Variants in HECTD3 observed in about 807,000 individuals in gnomAD.
HECTD3 encodes HECT domain E3 ubiquitin protein ligase 3.
In HECTD3, 72 loss-of-function variants were observed where a neutral mutation model predicts 109.3. The ratio of observed to expected loss-of-function variants is 0.66; its 90% confidence interval spans 0.54 to 0.80. HECTD3 has a LOEUF of 0.80. Among genes scored for constraint, HECTD3 ranks in the 30% least tolerant of loss-of-function variants. The pLI is 0.00. For missense variants in HECTD3, 1,041 were observed against 1,165.2 expected, an observed-to-expected ratio of 0.89 and a Z score of 1.55; for synonymous variants, 481 against 471.8, an observed-to-expected ratio of 1.02 and a Z score of -0.25.
At chr1:45,005,956 G>C (rs774222736) in intron 14 of HECTD3, 41 bp downstream of exon 14, 23 of 1,610,840 alleles carry the variant, frequency 1.4e-5, no homozygotes, top group Non-Finnish European at 1.8e-5. Context: ...CCTTCCAAGG[G>C]CCAGGGCTGA....
At position 45,010,622 on chromosome 1, in the gene HECTD3, G is replaced by A. The variant is rs1292011165; in HGVS notation, c.454C>T (p.Leu152=). The A allele has an allele frequency of 3.7e-6, 6 of 1,611,470 alleles. No homozygotes were observed. In the South Asian group the frequency reaches 5.5e-5, roughly 15 times the overall value. Residue 152 remains leucine (L), a synonymous_variant, in exon 2 of 21, where the codon CTG becomes TTG. Transcript: ENST00000372172. The part of the protein sequence containing the change: ...VCRPAEGGAR[L]VPIDTPNHLQ... ...TGGTTGGGAGTGTCGATGGGTACCA[G>A]GCGGGCTCCGCCCTCCGCCGGGCGG...
At position 45,003,160 on chromosome 1, in the gene HECTD3, A is replaced by G. The variant is rs533519507; in HGVS notation, c.*332T>C. 48 of 283,362 alleles carry G rather than the reference A, an allele frequency of 1.7e-4. No homozygotes were observed. The highest frequency in any genetic ancestry group is 2.2e-3 in the Middle Eastern group (2 of 896). The allele number at this position is 283,362 out of a possible 1,614,324, so 17.6% of individuals were successfully genotyped here. ...AGAAAAAAGGCGGAGCTGAAAATGG[A>G]GGCAAAGTCCATGGGTTGGGGACCT... On this transcript the variant is annotated 3_prime_UTR_variant, in exon 21 of 21. Coordinates refer to ENST00000372172, the MANE Select transcript of HECTD3 (RefSeq NM_024602.6). The surrounding 1 kb of genome is among the most constrained non-coding windows in gnomAD (Gnocchi z 4.7).
chr1:45,009,265 C>T, intron 6 of HECTD3, 39 bp from the exon 7 acceptor site: 2 of 1,571,170 alleles, frequency 1.3e-6, no homozygotes, highest in East Asian at 2.2e-5. Flanking sequence ...ATACCTCCTG[C>T]CTCAGGCCTT....
intron 14 of HECTD3, 32 bp downstream of exon 14, chr1:45,005,965 G>A (rs775261801): frequency 6.2e-6 from 10 of 1,611,436 alleles, no homozygotes; most frequent in Admixed American, 3.3e-5. Flanking sequence ...GGCCAGGGCT[G>A]ATCGGACGGG....
Position 45,008,088 on chromosome 1 carries a change from A to G in HECTD3, c.1320+152T>C, listed in dbSNP as rs74070824. The G allele has an allele frequency of 2.1e-4, 135 of 644,816 alleles. No individual in the cohort carries two copies. The African/African-American group carries it at 2.3e-3, about 11-fold the overall frequency. The allele number at this position is 644,816 out of a possible 1,614,324, so 39.9% of individuals were successfully genotyped here. On this transcript the variant is annotated intron_variant, in intron 9 of 20. Transcript: ENST00000372172. ...TGGGGAACAGCCTCCCAAACACTAA[A>G]TTTGGACCATTTGTTCTGGCTTTCT...
At chr1:45,010,403 G>GCC in intron 2 of HECTD3, 110 bp from the exon 3 acceptor site, 1 of 1,446,588 alleles carries the variant, frequency 6.9e-7, no homozygotes, top group Non-Finnish European at 9.6e-7. Flanking sequence ...CTCCCTCCGA[G>GCC]CCCCCTTCAC....
Position 45,011,099 on chromosome 1 carries a change from C to T in HECTD3, c.159G>A (p.Lys53=). The T allele has an allele frequency of 6.7e-7, 1 of 1,502,502 alleles. No homozygotes were observed. Among genetic ancestry groups the T allele is most frequent in the Non-Finnish European group, 8.8e-7 (1 of 1,132,908 alleles). 93.1% of individuals were successfully genotyped at this position (1,502,502 alleles called of 1,614,324 possible). The change falls in exon 1 of 21, where the codon AAG becomes AAA. Residue 53 remains lysine (K), a synonymous_variant. Coordinates refer to ENST00000372172, the MANE Select transcript of HECTD3 (RefSeq NM_024602.6). The stretch of plus-strand genomic sequence containing the variant: ...GCACGCGCGACGGTCCCGCTGGGTC[C>T]TTGTAAAGCTTGTAGAGCACCTCTC... ...VPREVLYKLY[K]DPAGPSRVLL... is the part of the protein sequence containing the mutation.
intron 15 of HECTD3, 110 bp from the exon 16 acceptor site, chr1:45,004,916 A>G (rs1644721435): frequency 1.1e-6 from 1 of 925,538 alleles, no homozygotes; most frequent in South Asian, 1.4e-5. Context: ...GGCAGTCCCC[A>G]TGGAGGCAGC....
At position 45,010,555 on chromosome 1, in the gene HECTD3, G is replaced by C. The variant is rs549262869; in HGVS notation, c.521C>G (p.Pro174Arg). The change falls in exon 2 of 21, where the codon CCG becomes CGG. Residue 174 changes from proline to arginine, a missense_variant. Pro to Arg is a moderately radical substitution (Grantham distance 103). This residue lies in a region of HECTD3 where 472 missense variants were observed against 449.9 expected (regional missense o/e 1.05). Transcript: ENST00000372172. Reference protein sequence around the residue: ...QQQLFGVDYRPVLRWEQVVDL... With the variant: ...QQQLFGVDYRRVLRWEQVVDL... ...CCTTCAAGTGCAGTACCTGAGCACC[G>C]GCCGATAATCCACGCCAAAGAGCTG... is the stretch of plus-strand genomic sequence containing the variant. 1 of 1,613,626 alleles carries C rather than the reference G, an allele frequency of 6.2e-7. No individual in the cohort carries two copies. The highest frequency in any genetic ancestry group is 2.2e-5 in the East Asian group (1 of 44,868).
Position 45,010,940 on chromosome 1 carries a change from G to T in HECTD3, c.318C>A (p.Thr106=). The T allele has an allele frequency of 6.5e-7, 1 of 1,540,580 alleles. No individual in the cohort carries two copies. Among genetic ancestry groups the T allele is most frequent in the Admixed American group, 2.1e-5 (1 of 47,626 alleles). Reference sequence around the variant, plus strand: ...GGCCATTGCACAGCTCCTCGCCCGTGGTGCGCACGCAGGCGCCGCGCCGGA... The same window carrying T: ...GGCCATTGCACAGCTCCTCGCCCGTTGTGCGCACGCAGGCGCCGCGCCGGA... ...IELRRGACVR[T]TGEELCNGHG... The change falls in exon 1 of 21, where the codon ACC becomes ACA. Residue 106 remains threonine (T), a synonymous_variant. Coordinates refer to ENST00000372172, the MANE Select transcript of HECTD3 (RefSeq NM_024602.6).
Position 45,009,107 on chromosome 1 carries a change from C to T in HECTD3, c.1072+37G>A, listed in dbSNP as rs369358551. 44 of 1,534,646 alleles carry T rather than the reference C, an allele frequency of 2.9e-5. No homozygotes were observed. In the South Asian group the frequency reaches 3.5e-4, roughly 12 times the overall value. On this transcript the variant is annotated intron_variant, in intron 7 of 20. Transcript: ENST00000372172. ...TCTCTGTTTGCCCCCATCTCCACGCCGGGCTCTCTTTCCCTCCTTATAGCC... is the reference window on the plus strand; with the variant it reads ...TCTCTGTTTGCCCCCATCTCCACGCTGGGCTCTCTTTCCCTCCTTATAGCC...
Position 45,004,286 on chromosome 1 carries a change from CCA to C in HECTD3, c.2232_2233del (p.Cys744TrpfsTer17). The stretch of plus-strand genomic sequence containing the variant: ...AGCATCCACAGTGACCTCTGGATCC[CCA>C]CACACTTTCTTCTCCAACTCTTGCC... On this transcript the variant is annotated frameshift_variant, in exon 17 of 21. Coordinates refer to ENST00000372172, the MANE Select transcript of HECTD3 (RefSeq NM_024602.6). LOFTEE classifies it high-confidence loss of function. 1 of 1,614,050 alleles carries C rather than the reference CCA, an allele frequency of 6.2e-7. No individual in the cohort carries two copies. Among genetic ancestry groups the C allele is most frequent in the Non-Finnish European group, 8.5e-7 (1 of 1,179,902 alleles).
chr1:45,005,815 G>T lies in HECTD3; in HGVS notation c.1914C>A (p.Phe638Leu), dbSNP rs1311214885. 3.1e-6 allele frequency: 5 copies of T among 1,604,858 alleles called. No homozygotes were observed. Among genetic ancestry groups the T allele is most frequent in the Non-Finnish European group, 4.3e-6 (5 of 1,175,222 alleles). The change falls in exon 15 of 21, where the codon TTC becomes TTA. Residue 638 changes from phenylalanine to leucine, a missense_variant. This residue lies in a region of HECTD3 where 569 missense variants were observed against 715.3 expected (regional missense o/e 0.80). Coordinates refer to ENST00000372172, the MANE Select transcript of HECTD3 (RefSeq NM_024602.6). ...SGEEVSWSKDFPAVDSVLVKL... is the reference protein window; with the variant it reads ...SGEEVSWSKDLPAVDSVLVKL... ...TCACCAGCACAGAGTCCACAGCTGG[G>T]AAGTCCTTGCTCCAGCTCACCTCCT...
At chr1:45,009,000 GC>G in intron 7 of HECTD3, 143 bp downstream of exon 7, 1 of 743,340 alleles carries the variant, frequency 1.3e-6, no homozygotes, top group Non-Finnish European at 2.3e-6. Context: ...GCTGGCTCAG[GC>G]CCCAAAGCTC....
At chr1:45,007,299 G>C in intron 10 of HECTD3, 28 bp from the exon 11 acceptor site, 1 of 1,610,534 alleles carries the variant, frequency 6.2e-7, no homozygotes, top group Non-Finnish European at 8.5e-7. Flanking sequence ...AGGAGTCATA[G>C]GAAAGCAAGA....
chr1:45,007,660 C>T, intron 9 of HECTD3, 65 bp from the exon 10 acceptor site: 1 of 1,351,728 alleles, frequency 7.4e-7, no homozygotes, highest in Non-Finnish European at 1.0e-6. Flanking sequence ...GGCCCTGGAA[C>T]TTTCCCCTCT....
chr1:45,010,755 G>T lies in HECTD3; in HGVS notation c.370-49C>A. On this transcript the variant is annotated intron_variant, in intron 1 of 20. Coordinates refer to ENST00000372172, the MANE Select transcript of HECTD3 (RefSeq NM_024602.6). ...ACAGCCGTCAGGGAACTGCCCAGCC[G>T]CCTGTCGTGCCCAGCCCAGGGCAAA... The T allele has an allele frequency of 2.6e-6, 4 of 1,521,548 alleles. No individual in the cohort carries two copies. The South Asian group carries it at 3.8e-5, about 14-fold the overall frequency. The allele number at this position is 1,521,548 out of a possible 1,614,324, so 94.3% of individuals were successfully genotyped here. A position where few individuals can be genotyped will look rare whatever the true frequency, so the allele number is the denominator to read the frequency against.
chr1:45,003,413 G>A lies in HECTD3; in HGVS notation c.*79C>T, dbSNP rs1644707423. 3.9e-6 allele frequency: 5 copies of A among 1,295,606 alleles called. No homozygotes were observed. Among genetic ancestry groups the A allele is most frequent in the Middle Eastern group, 2.4e-4 (1 of 4,172 alleles). The allele number at this position is 1,295,606 out of a possible 1,614,324, so 80.3% of individuals were successfully genotyped here. On this transcript the variant is annotated 3_prime_UTR_variant, in exon 21 of 21. Transcript: ENST00000372172. The surrounding 1 kb of genome is among the most constrained non-coding windows in gnomAD (Gnocchi z 4.7). ...TGCTGAGCACGTCAGCCAAACCAGG[G>A]CAGGGAAGGTGTCTTCGCCCTGGGC... is the stretch of plus-strand genomic sequence containing the variant.
At position 45,006,724 on chromosome 1, in the gene HECTD3, G is replaced by A. The variant is rs746765894; in HGVS notation, c.1693C>T (p.Pro565Ser). 6.2e-7 allele frequency: 1 copy of A among 1,613,510 alleles called. No homozygotes were observed. The highest frequency in any genetic ancestry group is 8.5e-7 in the Non-Finnish European group (1 of 1,179,704). ...LCPSSADTPVPLPFFVRTANQ... is the reference protein window; with the variant it reads ...LCPSSADTPVSLPFFVRTANQ... ...GCTGTGCGTACAAAGAAGGGCAGGG[G>A]CACGGGGGTATCCGCTGAGCTAGGG... is the stretch of plus-strand genomic sequence containing the variant. Residue 565 changes from proline to serine, a missense_variant, in exon 13 of 21, where the codon CCC becomes TCC. This residue lies in a region of HECTD3 where 569 missense variants were observed against 715.3 expected (regional missense o/e 0.80). Coordinates refer to ENST00000372172, the MANE Select transcript of HECTD3 (RefSeq NM_024602.6). The surrounding 1 kb of genome is among the most constrained non-coding windows in gnomAD (Gnocchi z 4.7).
Sources: allele counts gnomAD v4.1 joint callset, GRCh38; gene constraint gnomAD v4.1.1; regional missense constraint gnomAD v4.1.1; non-coding constraint Gnocchi (gnomAD v3.1); transcripts MANE v1.5; gene names NCBI Gene and HGNC (gene_info 2026-07-23, HGNC 2026-07-21).